Variants in CSMD1 observed in about 807,000 individuals in gnomAD.
The protein encoded by CSMD1 is CUB and Sushi multiple domains 1.
CSMD1 carries 213 observed loss-of-function variants against 417.5 expected under a neutral mutation model. The ratio of observed to expected loss-of-function variants is 0.51; its 90% CI spans 0.46 to 0.57. The LOEUF is 0.57. Ranked by LOEUF, CSMD1 falls within the 20% of genes least tolerant of loss-of-function variation. CSMD1 has a pLI of 0.00. For synonymous variants in CSMD1, 2,862 were observed against 1,736.8 expected (o/e 1.65, Z -16.11); for missense variants, 6,923 against 4,529.7 (o/e 1.53, Z -15.17).
At chr8:4,101,444 G>A (rs539925251) in intron 3 of CSMD1, among the ~76,000 whole-genome samples, 1 of 152,122 alleles carries the variant, frequency 6.6e-6, no homozygotes, top group Admixed American at 6.5e-5. Context: ...AGTTACCCTT[G>A]TGCTCTGACA....
intron 5 of CSMD1, among the ~76,000 whole-genome samples, chr8:3,901,222 T>C (rs1048128070): frequency 4.6e-5 from 7 of 152,216 alleles, no homozygotes; most frequent in African/African-American, 1.7e-4. Flanking sequence ...AGTATTTTTA[T>C]TTCAAATGCT....
chr8:4,138,241 T>G (rs1803558060), intron 3 of CSMD1, among the ~76,000 whole-genome samples: 1 of 146,208 alleles, frequency 6.8e-6, no homozygotes, highest in Non-Finnish European at 1.5e-5. Flanking sequence ...CTCTAACTGA[T>G]GGGTTTTCCT....
At chr8:4,664,730 T>C (rs1159922934) in intron 1 of CSMD1, among the ~76,000 whole-genome samples, 1 of 152,176 alleles carries the variant, frequency 6.6e-6, no homozygotes. Flanking sequence ...TATATAAAAG[T>C]GTAGATGCTA....
intron 18 of CSMD1, among the ~76,000 whole-genome samples, chr8:3,386,402 C>A (rs1019188153): frequency 3.9e-5 from 6 of 152,158 alleles, no homozygotes; most frequent in Non-Finnish European, 7.3e-5. Context: ...TCGCACACTT[C>A]CCACACTTCC....
intron 3 of CSMD1, among the ~76,000 whole-genome samples, chr8:4,051,857 T>TTTCC (rs1198360038): frequency 8.7e-5 from 3 of 34,480 alleles, no homozygotes; most frequent in Non-Finnish European, 1.7e-4. Flanking sequence ...TTCTTTTCTC[T>TTTCC]TTCTTTCTTT....
At chr8:3,421,699 G>A (rs1464866720) in intron 12 of CSMD1, among the ~76,000 whole-genome samples, 5 of 152,158 alleles carry the variant, frequency 3.3e-5, no homozygotes, top group Admixed American at 6.5e-5. Context: ...GTGCACTGCT[G>A]TAATCTTGGC....
intron 45 of CSMD1, chr8:3,107,243 G>A (rs1270716260): frequency 6.4e-6 from 1 of 156,666 alleles, no homozygotes; most frequent in Non-Finnish European, 1.4e-5. Flanking sequence ...AAAAGATACA[G>A]CAGAAATCCT....
intron 5 of CSMD1, among the ~76,000 whole-genome samples, chr8:3,774,334 G>C (rs968045417): frequency 4.6e-5 from 7 of 152,118 alleles, no homozygotes; most frequent in Non-Finnish European, 1.0e-4. Context: ...CACAGTGCCT[G>C]AGGTGTTATC....
intron 26 of CSMD1, among the ~76,000 whole-genome samples, chr8:3,233,663 T>C (rs1363342933): frequency 6.6e-6 from 1 of 152,224 alleles, no homozygotes; most frequent in Non-Finnish European, 1.5e-5. Context: ...TTCTCTTTTT[T>C]TTCATGATTA....
In CSMD1 at chr8:3,887,448, A is replaced by C. The variant is rs533896612; in HGVS notation, c.818+110455T>G. 3.3e-5 allele frequency among the ~76,000 whole-genome samples: 5 copies of C among 152,298 alleles called. No individual in the cohort carries two copies. The East Asian group carries it at 9.6e-4, about 29-fold the overall frequency. On this transcript the variant is annotated intron_variant, in intron 5 of 69. Coordinates refer to ENST00000635120, the MANE Select transcript of CSMD1 (RefSeq NM_033225.6). Reference sequence around the variant, plus strand: ...GACAAATTATAGACCCTATCCATGAAAGTGGGGCTAATTTTGTTCTAGGCG... The same window carrying C: ...GACAAATTATAGACCCTATCCATGACAGTGGGGCTAATTTTGTTCTAGGCG...
chr8:3,040,553 C>T (rs1811020307), intron 50 of CSMD1, among the ~76,000 whole-genome samples: 1 of 151,670 alleles, frequency 6.6e-6, no homozygotes, highest in Non-Finnish European at 1.5e-5. Context: ...GCCTGTAATC[C>T]CAGCACTTTG....
At chr8:3,692,122 C>T (rs902774143) in intron 7 of CSMD1, among the ~76,000 whole-genome samples, 2 of 152,190 alleles carry the variant, frequency 1.3e-5, no homozygotes, top group African/African-American at 4.8e-5. Flanking sequence ...GGGGAAGCCA[C>T]TGCATCCGGG....
chr8:4,315,470 G>A (rs1043046724), intron 3 of CSMD1, among the ~76,000 whole-genome samples: 1 of 152,028 alleles, frequency 6.6e-6, no homozygotes, highest in Non-Finnish European at 1.5e-5. Context: ...ATATTCCAAG[G>A]CCTGACTCAA....
intron 3 of CSMD1, among the ~76,000 whole-genome samples, chr8:4,180,623 G>GAACAA (rs1554483667): frequency 6.6e-6 from 1 of 151,502 alleles, no homozygotes; most frequent in Non-Finnish European, 1.5e-5. Flanking sequence ...AAACAAAACA[G>GAACAA]AACAAAACAA....
intron 54 of CSMD1, among the ~76,000 whole-genome samples, chr8:2,987,553 G>A (rs1390443047): frequency 6.6e-6 from 1 of 151,990 alleles, no homozygotes; most frequent in East Asian, 1.9e-4. Flanking sequence ...AAAGATGATT[G>A]ATACAGTACT....
At position 3,244,058 on chromosome 8, in the gene CSMD1, G is replaced by A. The variant is rs753785167; in HGVS notation, c.4154-13827C>T. ...TCACATCTGTAGAAAAATACATAAA[G>A]CAATACCAATATACAGAAGCAGTCG... On this transcript the variant is annotated intron_variant, in intron 26 of 69. Transcript: ENST00000635120. 3.2e-4 allele frequency among the ~76,000 whole-genome samples: 49 copies of A among 152,078 alleles called. 1 individual carries two copies. Among genetic ancestry groups the A allele is most frequent in the Non-Finnish European group, 6.5e-4 (44 of 68,036 alleles).
At chr8:3,578,293 G>A (rs181863535) in intron 9 of CSMD1, among the ~76,000 whole-genome samples, 1 of 145,876 alleles carries the variant, frequency 6.9e-6, no homozygotes, top group African/African-American at 2.4e-5. Flanking sequence ...GCTTTGTACT[G>A]AGTAGATCCA....
intron 5 of CSMD1, among the ~76,000 whole-genome samples, chr8:3,837,606 A>G (rs748320592): frequency 6.6e-6 from 1 of 152,202 alleles, no homozygotes; most frequent in Non-Finnish European, 1.5e-5. Context: ...AAGTCTTAAT[A>G]GAAATTCTAG....
chr8:4,724,518 A>G (rs1013367379), intron 1 of CSMD1, among the ~76,000 whole-genome samples: 2 of 138,282 alleles, frequency 1.4e-5, no homozygotes, highest in South Asian at 2.3e-4. Flanking sequence ...CTTTATATAT[A>G]TATGTGTGTG....
Sources: gnomAD v4.1 joint callset for allele counts (sites outside exome capture counted in the v4.1 genomes callset) on GRCh38, gnomAD v4.1.1 for gene constraint, MANE v1.5 for transcripts, NCBI Gene and HGNC (gene_info 2026-07-23, HGNC 2026-07-21) for gene names.